SPMIP7: variants seen among roughly 807,000 people sequenced by gnomAD.
SPMIP7 encodes the protein protein SPMIP7.
chr7:50,101,929 C>T, the SPMIP7 span, among the ~76,000 whole-genome samples: 1 of 152,168 alleles, frequency 6.6e-6, no homozygotes, highest in Non-Finnish European at 1.5e-5. Flanking sequence ...TTGACACAAA[C>T]TTTCCAGCTT....
chr7:50,099,723 T>C, the SPMIP7 span, among the ~76,000 whole-genome samples: 2 of 152,204 alleles, frequency 1.3e-5, no homozygotes, highest in Non-Finnish European at 2.9e-5. Flanking sequence ...AACTAGACTG[T>C]GCCAGATTCA....
At chr7:50,131,008 A>T in the SPMIP7 span, among the ~76,000 whole-genome samples, 3 of 152,148 alleles carry the variant, frequency 2.0e-5, no homozygotes, top group Non-Finnish European at 4.4e-5. Context: ...ATTCTGAGTG[A>T]CATGAGGCTT....
the SPMIP7 span, among the ~76,000 whole-genome samples, chr7:50,143,374 C>A: frequency 9.2e-5 from 14 of 152,078 alleles, no homozygotes; most frequent in African/African-American, 3.1e-4. Flanking sequence ...GCCATGTTGG[C>A]CAGGCTGGTC....
chr7:50,141,324 T>C, the SPMIP7 span: 2 of 1,552,210 alleles, frequency 1.3e-6, no homozygotes, highest in East Asian at 2.4e-5. Flanking sequence ...TGACAACCCC[T>C]TGGGAGACAT....
chr7:50,141,666 G>C, the SPMIP7 span: 8 of 285,206 alleles, frequency 2.8e-5, no homozygotes, highest in Non-Finnish European at 5.6e-5. Flanking sequence ...GTGATCGTGG[G>C]GGGATCAATA....
At chr7:50,097,307 T>C in the SPMIP7 span, among the ~76,000 whole-genome samples, 12 of 152,230 alleles carry the variant, frequency 7.9e-5, no homozygotes, top group African/African-American at 2.7e-4. Context: ...TCAACATTTT[T>C]AGCATCGGAA....
the SPMIP7 span, among the ~76,000 whole-genome samples, chr7:50,118,401 A>G: frequency 6.6e-6 from 1 of 152,208 alleles, no homozygotes; most frequent in South Asian, 2.1e-4. Flanking sequence ...TTCATAACCA[A>G]TGTTTGGTTT....
At chr7:50,126,047 A>G in the SPMIP7 span, among the ~76,000 whole-genome samples, 1 of 152,148 alleles carries the variant, frequency 6.6e-6, no homozygotes, top group Admixed American at 6.6e-5. Context: ...GACTGTGGTA[A>G]TCATTACACA....
At chr7:50,106,682 A>T in the SPMIP7 span, among the ~76,000 whole-genome samples, 1 of 152,236 alleles carries the variant, frequency 6.6e-6, no homozygotes, top group Admixed American at 6.5e-5. Flanking sequence ...ATCAGCAGAA[A>T]TGAAAGAAAA....
chr7:50,119,657 T>G, the SPMIP7 span, among the ~76,000 whole-genome samples: 2 of 152,228 alleles, frequency 1.3e-5, no homozygotes, highest in African/African-American at 4.8e-5. Flanking sequence ...GACTGCTACT[T>G]GCTTTCCTAT....
chr7:50,128,836 T>C, the SPMIP7 span, among the ~76,000 whole-genome samples: 1 of 151,952 alleles, frequency 6.6e-6, no homozygotes, highest in African/African-American at 2.4e-5. Flanking sequence ...ATCGAAGAAG[T>C]ATAACAAGTC....
the SPMIP7 span, among the ~76,000 whole-genome samples, chr7:50,124,689 A>G: frequency 3.5e-3 from 540 of 152,326 alleles, 2 homozygotes; most frequent in Middle Eastern, 0.01. Context: ...AGTGCAAAAT[A>G]AAACATATCA....
At chr7:50,096,645 G>T in the SPMIP7 span, 2 of 1,516,120 alleles carry the variant, frequency 1.3e-6, no homozygotes, top group Non-Finnish European at 1.8e-6. Context: ...GGAGGTAAAT[G>T]AAGTGACATG....
chr7:50,115,664 G>T, the SPMIP7 span, among the ~76,000 whole-genome samples: 2 of 152,212 alleles, frequency 1.3e-5, no homozygotes, highest in African/African-American at 2.4e-5. Context: ...ATATACAAAT[G>T]GTTAATACAT....
At chr7:50,111,110 T>C in the SPMIP7 span, among the ~76,000 whole-genome samples, 1 of 147,276 alleles carries the variant, frequency 6.8e-6, no homozygotes, top group Non-Finnish European at 1.5e-5. Flanking sequence ...ATATGTTATA[T>C]ATATATATTA....
the SPMIP7 span, among the ~76,000 whole-genome samples, chr7:50,144,939 G>A: frequency 1.3e-5 from 2 of 151,744 alleles, no homozygotes; most frequent in East Asian, 3.9e-4. Context: ...GTGTCAAGCA[G>A]AAAGTTAAGG....
the SPMIP7 span, among the ~76,000 whole-genome samples, chr7:50,103,041 G>C: frequency 2.3e-5 from 2 of 86,316 alleles, no homozygotes; most frequent in African/African-American, 8.8e-5. Flanking sequence ...AAGTATATAA[G>C]ATCATATATT....
chr7:50,157,377 A>G, the SPMIP7 span, among the ~76,000 whole-genome samples: 1 of 152,194 alleles, frequency 6.6e-6, no homozygotes, highest in Non-Finnish European at 1.5e-5. Flanking sequence ...GTCGTGAGCA[A>G]GGGGAATACA....
chr7:50,155,917 T>C, the SPMIP7 span, among the ~76,000 whole-genome samples: 1 of 13,754 alleles, frequency 7.3e-5, no homozygotes, highest in Admixed American at 8.2e-4. Flanking sequence ...TCTCTGGGAT[T>C]CTTATTCTCA....
Sources: allele counts gnomAD v4.1 joint callset (sites outside exome capture counted in the v4.1 genomes callset), GRCh38; gene constraint gnomAD v4.1.1; transcripts MANE v1.5; gene names NCBI Gene and HGNC (gene_info 2026-07-23, HGNC 2026-07-21).